The following GPHN variants were observed in gnomAD, a reference collection of about 807,000 sequenced individuals.
GPHN encodes the protein gephyrin.
In GPHN, 17 loss-of-function variants were observed where a neutral mutation model predicts 95.5. The observed-to-expected ratio is 0.18, with a 90% confidence interval of 0.12 to 0.27. GPHN has a LOEUF of 0.27. GPHN is among the 10% of genes least tolerant of loss of function. The probability of loss-of-function intolerance (pLI) is 1.00; values close to 1 mark genes in which losing one functional copy is unlikely to be tolerated. For missense variants in GPHN, 660 were observed against 978.1 expected, an observed-to-expected ratio of 0.67 and a Z score of 4.34; for synonymous variants, 320 against 322.5, an observed-to-expected ratio of 0.99 and a Z score of 0.08.
At chr14:66,603,693 G>C (rs2062372623) in intron 1 of GPHN, among the ~76,000 whole-genome samples, 2 of 151,914 alleles carry the variant, frequency 1.3e-5, no homozygotes, top group East Asian at 3.9e-4. Flanking sequence ...ATTATCAAAT[G>C]ATATATTTAA....
At chr14:67,489,946 C>T in the GPHN span, among the ~76,000 whole-genome samples, 8 of 151,372 alleles carry the variant, frequency 5.3e-5, no homozygotes, top group African/African-American at 7.3e-5. Context: ...TCTGAGACCA[C>T]GCCACTGCAC....
the GPHN span, among the ~76,000 whole-genome samples, chr14:67,286,238 T>A: frequency 1.3e-5 from 2 of 152,180 alleles, no homozygotes; most frequent in Non-Finnish European, 2.9e-5. Flanking sequence ...CTAGCACATA[T>A]ATCAGTCTTT....
chr14:67,100,149 C>T (rs2077617217), intron 12 of GPHN, among the ~76,000 whole-genome samples: 2 of 151,886 alleles, frequency 1.3e-5, no homozygotes, highest in South Asian at 4.1e-4. Flanking sequence ...TGTATTCTAA[C>T]TCATAAATAG....
chr14:66,529,029 G>A (rs1355119731), intron 1 of GPHN, among the ~76,000 whole-genome samples: 1 of 152,118 alleles, frequency 6.6e-6, no homozygotes, highest in South Asian at 2.1e-4. Flanking sequence ...GGTTGAGGAA[G>A]TTCTCCTGGA....
chr14:67,376,694 T>G, the GPHN span: 4 of 1,295,956 alleles, frequency 3.1e-6, no homozygotes, highest in Non-Finnish European at 4.2e-6. Context: ...AAATTTAGAT[T>G]AAAATATTTT....
At chr14:67,515,186 C>T in the GPHN span, 1 of 152,300 alleles carries the variant, frequency 6.6e-6, no homozygotes, top group African/African-American at 2.4e-5. Context: ...GCTCCCGCTC[C>T]TCCTCCCGCG....
At position 66,556,291 on chromosome 14, in the gene GPHN, T is replaced by C. The variant is rs78499592; in HGVS notation, c.64+47700T>C. ...CTCTTTTACACAATTTTTTGCCATA[T>C]AGCATAGTATTATTCATGTAGTTGA... On this transcript the variant is annotated intron_variant, in intron 1 of 22. Transcript: ENST00000478722. Among the ~76,000 whole-genome samples the C allele has an allele frequency of 3.6e-3, 551 of 152,326 alleles. 12 individuals are homozygous for C. Among genetic ancestry groups the C allele is most frequent in the African/African-American group, 0.013 (526 of 41,572 alleles).
chr14:66,915,059 T>C (rs1306820662), intron 5 of GPHN, among the ~76,000 whole-genome samples: 1 of 152,042 alleles, frequency 6.6e-6, no homozygotes, highest in Non-Finnish European at 1.5e-5. Context: ...TTTTCAGATA[T>C]ATGGAAAGTT....
chr14:66,727,841 T>C (rs1226725569), intron 2 of GPHN, among the ~76,000 whole-genome samples: 1 of 152,226 alleles, frequency 6.6e-6, no homozygotes, highest in Non-Finnish European at 1.5e-5. Context: ...TCAAGCTGGC[T>C]GCAGATACAT....
the GPHN span, among the ~76,000 whole-genome samples, chr14:67,275,875 C>T: frequency 6.6e-6 from 1 of 152,054 alleles, no homozygotes; most frequent in South Asian, 2.1e-4. Flanking sequence ...AGGAATTTAT[C>T]CATTTCTTCT....
the GPHN span, among the ~76,000 whole-genome samples, chr14:67,211,911 G>T: frequency 2.1e-3 from 320 of 152,242 alleles, no homozygotes; most frequent in African/African-American, 7.2e-3. Flanking sequence ...TGTAGGTTCT[G>T]TACATTGTGA....
chr14:66,809,838 C>A (rs1228042777), intron 3 of GPHN, among the ~76,000 whole-genome samples: 1 of 152,110 alleles, frequency 6.6e-6, no homozygotes, highest in East Asian at 1.9e-4. Flanking sequence ...TATAAACTAT[C>A]AAATAGCCAG....
At chr14:66,869,605 C>T (rs943222479) in intron 4 of GPHN, among the ~76,000 whole-genome samples, 1 of 152,136 alleles carries the variant, frequency 6.6e-6, no homozygotes, top group Admixed American at 6.5e-5. Flanking sequence ...TCTCTTTTTC[C>T]TAGTCTTTGG....
chr14:67,225,941 G>GTGTGTGTC, the GPHN span, among the ~76,000 whole-genome samples: 1 of 134,334 alleles, frequency 7.4e-6, no homozygotes. Context: ...GTGTGTGTGT[G>GTGTGTGTC]TGTGTGTGTG....
the GPHN span, among the ~76,000 whole-genome samples, chr14:67,632,934 C>A: frequency 6.7e-6 from 1 of 149,660 alleles, no homozygotes; most frequent in African/African-American, 2.5e-5. Context: ...CATTCTCCTG[C>A]CTCAGCCTCC....
chr14:67,064,418 G>A (rs1594995779), intron 11 of GPHN, among the ~76,000 whole-genome samples: 1 of 152,238 alleles, frequency 6.6e-6, no homozygotes, highest in East Asian at 1.9e-4. Context: ...TCTCTGCCAG[G>A]TTTTGGTATC....
the GPHN span, among the ~76,000 whole-genome samples, chr14:67,197,626 G>A: frequency 2.6e-5 from 4 of 152,100 alleles, no homozygotes; most frequent in African/African-American, 9.7e-5. Flanking sequence ...CAAGAGCTAA[G>A]CCTCAGTTAT....
At chr14:67,193,954 C>CAAAAAAAAACAAA in the GPHN span, among the ~76,000 whole-genome samples, 1 of 85,758 alleles carries the variant, frequency 1.2e-5, no homozygotes, top group Non-Finnish European at 2.5e-5. Context: ...CAAAAAAAAA[C>CAAAAAAAAACAAA]AAAAAAAAAA....
At chr14:66,666,411 A>T in intron 1 of GPHN, among the ~76,000 whole-genome samples, 2 of 151,864 alleles carry the variant, frequency 1.3e-5, no homozygotes, top group East Asian at 1.9e-4. Flanking sequence ...ACATTTTTTA[A>T]TAAAAAAAAA....
Sources: allele counts gnomAD v4.1 joint callset (sites outside exome capture counted in the v4.1 genomes callset), GRCh38; gene constraint gnomAD v4.1.1; transcripts MANE v1.5; gene names NCBI Gene and HGNC (gene_info 2026-07-23, HGNC 2026-07-21).